The following NEDD4 variants were observed in gnomAD, a reference collection of about 807,000 sequenced individuals.
NEDD4 encodes NEDD4 E3 ubiquitin protein ligase.
In NEDD4, 99 loss-of-function variants were observed where a neutral mutation model predicts 144.9. That is an observed-to-expected ratio of 0.68 (90% CI 0.58 to 0.81). The LOEUF (loss-of-function observed/expected upper bound fraction) is 0.81. Ranked by LOEUF, NEDD4 falls within the 30% of genes least tolerant of loss-of-function variation. The pLI is 0.00. For synonymous variants in NEDD4, 318 were observed against 350.6 expected, an observed-to-expected ratio of 0.91 and a Z score of 1.04; for missense variants, 985 against 1,065.9, an observed-to-expected ratio of 0.92 and a Z score of 1.06.
At chr15:55,843,909 T>C (rs1327943473) in intron 18 of NEDD4, among the ~76,000 whole-genome samples, 2 of 152,144 alleles carry the variant, frequency 1.3e-5, no homozygotes, top group Non-Finnish European at 2.9e-5. Context: ...GGGTAAGATG[T>C]CCTTGCTTCC....
At chr15:55,892,051 A>C (rs2035585409) in intron 5 of NEDD4, among the ~76,000 whole-genome samples, 2 of 152,034 alleles carry the variant, frequency 1.3e-5, no homozygotes, top group African/African-American at 4.8e-5. Flanking sequence ...GGATCACCTG[A>C]GGTCAGGAGT....
chr15:55,845,810 T>TC (rs1379058558), intron 18 of NEDD4, among the ~76,000 whole-genome samples: 1 of 151,360 alleles, frequency 6.6e-6, no homozygotes, highest in South Asian at 2.1e-4. Context: ...TTTTTTTTTT[T>TC]TGAGACACTC....
At chr15:55,834,931 C>A (rs1195200083) in intron 24 of NEDD4, among the ~76,000 whole-genome samples, 1 of 152,166 alleles carries the variant, frequency 6.6e-6, no homozygotes, top group African/African-American at 2.4e-5. Context: ...CACCGCAGTG[C>A]CGCCTCTTCT....
chr15:55,952,105 G>A (rs949622372), intron 2 of NEDD4, among the ~76,000 whole-genome samples: 2 of 151,720 alleles, frequency 1.3e-5, no homozygotes, highest in African/African-American at 4.8e-5. Flanking sequence ...GAGGCGGGCG[G>A]ATCATGAGGT....
chr15:55,973,133 G>A (rs2037639783), intron 1 of NEDD4, among the ~76,000 whole-genome samples: 1 of 152,104 alleles, frequency 6.6e-6, no homozygotes, highest in Admixed American at 6.5e-5. Context: ...AAACCAAATG[G>A]ACCTAATAGA....
intron 4 of NEDD4, among the ~76,000 whole-genome samples, chr15:55,939,244 G>A (rs2036951135): frequency 2.0e-5 from 3 of 152,130 alleles, no homozygotes; most frequent in Admixed American, 6.5e-5. Flanking sequence ...ATTGGATCAC[G>A]GGGGCAGTTT....
At chr15:55,964,586 A>G (rs1219807048) in intron 2 of NEDD4, among the ~76,000 whole-genome samples, 1 of 150,734 alleles carries the variant, frequency 6.6e-6, no homozygotes, top group Non-Finnish European at 1.5e-5. Flanking sequence ...TAGATAAGTA[A>G]TTTTGCATTA....
At chr15:55,830,438 C>T in intron 28 of NEDD4, 76 bp downstream of exon 28, 1 of 1,288,128 alleles carries the variant, frequency 7.8e-7, no homozygotes, top group Non-Finnish European at 1.1e-6. Context: ...AGGAGACTAG[C>T]CCTGCTGTGG....
intron 5 of NEDD4, chr15:55,905,115 A>G (rs2036047424): frequency 6.3e-6 from 2 of 319,728 alleles, no homozygotes; most frequent in South Asian, 4.9e-5. Context: ...AAGAAAAGAA[A>G]AGAAAATCAG....
intron 5 of NEDD4, among the ~76,000 whole-genome samples, chr15:55,903,320 G>A (rs939388049): frequency 6.6e-6 from 1 of 152,068 alleles, no homozygotes; most frequent in Non-Finnish European, 1.5e-5. Context: ...TAGTAGAAAG[G>A]TGCTTTAAAA....
chr15:55,870,645 C>T (rs2034758099), intron 7 of NEDD4, among the ~76,000 whole-genome samples: 2 of 151,578 alleles, frequency 1.3e-5, no homozygotes, highest in East Asian at 2.0e-4. Flanking sequence ...GTGATCTTCA[C>T]ACCTTAGCCT....
intron 5 of NEDD4, chr15:55,916,039 A>T: frequency 6.2e-7 from 1 of 1,613,974 alleles, no homozygotes; most frequent in Non-Finnish European, 8.5e-7. Flanking sequence ...ATGACTAAGG[A>T]GGAGTAACGT....
intron 18 of NEDD4, among the ~76,000 whole-genome samples, chr15:55,846,381 G>T (rs1012346084): frequency 1.3e-5 from 2 of 152,156 alleles, no homozygotes; most frequent in Admixed American, 6.5e-5. Flanking sequence ...ACAAAACCAG[G>T]AATGAAACAG....
intron 5 of NEDD4, among the ~76,000 whole-genome samples, chr15:55,879,583 C>A (rs2035111334): frequency 1.3e-5 from 2 of 152,070 alleles, no homozygotes; most frequent in Admixed American, 6.6e-5. Context: ...ATGAAACACA[C>A]AGACCTAAAT....
At chr15:55,900,273 G>C (rs1315397404) in intron 5 of NEDD4, among the ~76,000 whole-genome samples, 1 of 152,144 alleles carries the variant, frequency 6.6e-6, no homozygotes, top group African/African-American at 2.4e-5. Flanking sequence ...TTGTTTTAGA[G>C]CGCATGGGAG....
chr15:55,969,459 G>A (rs1015475190), intron 1 of NEDD4, among the ~76,000 whole-genome samples: 53 of 152,258 alleles, frequency 3.5e-4, no homozygotes, highest in African/African-American at 1.2e-3. Flanking sequence ...CAGACGGGGC[G>A]GCCAAGGGTG....
intron 4 of NEDD4, among the ~76,000 whole-genome samples, chr15:55,948,826 C>A (rs11632295): frequency 6.6e-6 from 1 of 151,988 alleles, no homozygotes. Context: ...AAGGCTTAAA[C>A]GTTAGACCTA....
At chr15:55,848,039 TAC>T (rs1274897685) in intron 17 of NEDD4, among the ~76,000 whole-genome samples, 2 of 152,202 alleles carry the variant, frequency 1.3e-5, no homozygotes, top group Non-Finnish European at 1.5e-5. Context: ...CTCATCCGCA[TAC>T]ACTCTCTGCT....
At chr15:55,942,673 T>C (rs1282402471) in intron 4 of NEDD4, among the ~76,000 whole-genome samples, 2 of 152,222 alleles carry the variant, frequency 1.3e-5, no homozygotes, top group South Asian at 2.1e-4. Flanking sequence ...TATAAACTGC[T>C]CAGTCTCAGG....
Sources: gnomAD v4.1 joint callset for allele counts (sites outside exome capture counted in the v4.1 genomes callset) on GRCh38, gnomAD v4.1.1 for gene constraint, MANE v1.5 for transcripts, NCBI Gene and HGNC (gene_info 2026-07-23, HGNC 2026-07-21) for gene names.